The following SYT16 variants were observed in gnomAD, a reference collection of about 807,000 sequenced individuals.
The protein encoded by SYT16 is synaptotagmin 16.
In SYT16, 42 loss-of-function variants were observed where a neutral mutation model predicts 61.4. That is an observed-to-expected ratio of 0.68 (90% confidence interval 0.53 to 0.89). The LOEUF is 0.89. Among genes scored for constraint, SYT16 ranks in the 40% least tolerant of loss-of-function variants. The pLI is 0.00. For missense variants in SYT16, 804 were observed against 807.3 expected (o/e 1.00, Z 0.05); for synonymous variants, 314 against 302.3 (o/e 1.04, Z -0.40).
At chr14:62,030,032 T>G (rs1018650243) in intron 3 of SYT16, among the ~76,000 whole-genome samples, 9 of 152,188 alleles carry the variant, frequency 5.9e-5, no homozygotes, top group African/African-American at 1.7e-4. Context: ...TAACAGCAGC[T>G]GGTAGCTGAC....
intron 2 of SYT16, among the ~76,000 whole-genome samples, chr14:61,972,975 G>A (rs778457791): frequency 1.9e-4 from 29 of 152,158 alleles, no homozygotes; most frequent in Non-Finnish European, 1.9e-4. Flanking sequence ...ATGAATGGAA[G>A]AGAACTAATA....
chr14:61,890,284 C>T (rs2048072755), intron 1 of SYT16, among the ~76,000 whole-genome samples: 1 of 152,062 alleles, frequency 6.6e-6, no homozygotes, highest in African/African-American at 2.4e-5. Flanking sequence ...AGGGGAGTTC[C>T]CAGAGCTTTG....
chr14:61,834,407 G>A (rs2046055923), intron 1 of SYT16, among the ~76,000 whole-genome samples: 4 of 149,800 alleles, frequency 2.7e-5, no homozygotes, highest in Non-Finnish European at 4.4e-5. Context: ...TGGGATTACA[G>A]GCATGAGCCA....
intron 2 of SYT16, among the ~76,000 whole-genome samples, chr14:61,985,238 T>C (rs2052253405): frequency 6.6e-6 from 1 of 152,182 alleles, no homozygotes; most frequent in African/African-American, 2.4e-5. Context: ...CTGTTTAGTT[T>C]GAAGCTTGTG....
intron 3 of SYT16, among the ~76,000 whole-genome samples, chr14:62,014,580 C>T (rs1398296833): frequency 2.6e-5 from 4 of 151,938 alleles, no homozygotes; most frequent in Admixed American, 2.6e-4. Flanking sequence ...ATTACAGGTG[C>T]CCACCACCAT....
chr14:61,894,192 G>A lies in SYT16; in HGVS notation c.-324-75940G>A, dbSNP rs138818939. Among the ~76,000 whole-genome samples, 910 of 152,138 alleles carry A rather than the reference G, an allele frequency of 6.0e-3. 11 individuals carry two copies. Among genetic ancestry groups the A allele is most frequent in the African/African-American group, 0.021 (852 of 41,504 alleles). ...CCCAGCTACTCAGGAGGCCATGGAA[G>A]GAGAATCGCTTGAGCCCGGGAGGCT... is the stretch of plus-strand genomic sequence containing the variant. On this transcript the variant is annotated intron_variant, in intron 1 of 7. Transcript: ENST00000683842.
chr14:62,039,871 ACACACACG>A (rs748272055), intron 3 of SYT16, among the ~76,000 whole-genome samples: 18,840 of 143,806 alleles, frequency 0.13, 1,314 homozygotes, highest in Middle Eastern at 0.23. Flanking sequence ...ACACACACAC[ACACACACG>A]CACATACACA....
chr14:62,053,350 A>G (rs1001609276), intron 3 of SYT16, among the ~76,000 whole-genome samples: 1 of 152,166 alleles, frequency 6.6e-6, no homozygotes, highest in African/African-American at 2.4e-5. Context: ...ATTCTTAAGT[A>G]TCTGGACTCT....
chr14:62,051,265 C>T (rs192601038), intron 3 of SYT16, among the ~76,000 whole-genome samples: 31 of 152,348 alleles, frequency 2.0e-4, no homozygotes, highest in East Asian at 1.4e-3. Context: ...TAGGACCCTC[C>T]GAGCCATGTG....
chr14:61,894,200 G>C (rs1388741174), intron 1 of SYT16, among the ~76,000 whole-genome samples: 1 of 151,870 alleles, frequency 6.6e-6, no homozygotes, highest in Non-Finnish European at 1.5e-5. Flanking sequence ...AAGGAGAATC[G>C]CTTGAGCCCG....
At chr14:61,997,079 C>T (rs1166299262) in intron 3 of SYT16, among the ~76,000 whole-genome samples, 1 of 152,054 alleles carries the variant, frequency 6.6e-6, no homozygotes, top group Non-Finnish European at 1.5e-5. Flanking sequence ...GGTAAGGACA[C>T]ATTTAATAAA....
chr14:62,087,936 C>T (rs904025863), intron 7 of SYT16, among the ~76,000 whole-genome samples: 5 of 152,130 alleles, frequency 3.3e-5, no homozygotes, highest in South Asian at 2.1e-4. Context: ...CCAGAGCCTC[C>T]ACTGCACAGC....
chr14:61,982,520 G>A (rs1223879955), intron 2 of SYT16, among the ~76,000 whole-genome samples: 2 of 152,108 alleles, frequency 1.3e-5, no homozygotes, highest in Admixed American at 1.3e-4. Flanking sequence ...ACAGTATGGG[G>A]GAAACTGCCC....
intron 3 of SYT16, among the ~76,000 whole-genome samples, chr14:62,011,962 G>C (rs893481457): frequency 6.7e-5 from 9 of 135,182 alleles, no homozygotes; most frequent in Non-Finnish European, 1.2e-4. Flanking sequence ...TGCATCATCT[G>C]TCACTGCTGA....
intron 1 of SYT16, among the ~76,000 whole-genome samples, chr14:61,818,446 G>A (rs1443783465): frequency 2.0e-5 from 3 of 152,110 alleles, no homozygotes; most frequent in African/African-American, 4.8e-5. Flanking sequence ...TTGGGAGGCC[G>A]AGGCGGGTGG....
At chr14:62,043,494 G>A (rs1032230330) in intron 3 of SYT16, among the ~76,000 whole-genome samples, 6 of 143,954 alleles carry the variant, frequency 4.2e-5, no homozygotes, top group Non-Finnish European at 6.0e-5. Flanking sequence ...TGCAAACTCC[G>A]CCTCCCTGGT....
In SYT16 at chr14:62,109,278, T is replaced by C. The variant is rs1194618462; in HGVS notation, c.*8571T>C. 1 of 149,414 alleles carries C rather than the reference T, an allele frequency of 6.7e-6. No individual in the cohort carries two copies. Among genetic ancestry groups the C allele is most frequent in the East Asian group, 2.0e-4 (1 of 5,088 alleles). The allele number at this position is 149,414 out of a possible 1,614,324, so 9.3% of individuals were successfully genotyped here. On this transcript the variant is annotated 3_prime_UTR_variant, in exon 8 of 8. Transcript: ENST00000683842. ...AGAATGTCATACAGTATGTAGCCTT[T>C]TCAGATTGGCTTTTTTTTTTTTCAC...
intron 3 of SYT16, among the ~76,000 whole-genome samples, chr14:62,020,398 C>T (rs955923106): frequency 5.9e-5 from 9 of 151,864 alleles, no homozygotes; most frequent in South Asian, 4.2e-4. Flanking sequence ...GTGATCCTAC[C>T]GCATACACCT....
Position 61,995,934 on chromosome 14 carries a change from C to G in SYT16, c.-86C>G. 1.5e-6 allele frequency: 2 copies of G among 1,360,342 alleles called. No homozygotes were observed. 84.3% of individuals were successfully genotyped at this position (1,360,342 alleles called of 1,614,324 possible). A position where few individuals can be genotyped will look rare whatever the true frequency, so the allele number is the denominator to read the frequency against. On this transcript the variant is annotated 5_prime_UTR_variant, in exon 3 of 8. Transcript: ENST00000683842. Reference sequence around the variant, plus strand: ...TTAAGAGACCTCCAAATTAATTTCTCAACATGCTTATTCTATAGTTCACAT... The same window carrying G: ...TTAAGAGACCTCCAAATTAATTTCTGAACATGCTTATTCTATAGTTCACAT...
Sources: allele counts gnomAD v4.1 joint callset (sites outside exome capture counted in the v4.1 genomes callset), GRCh38; gene constraint gnomAD v4.1.1; transcripts MANE v1.5; gene names NCBI Gene and HGNC (gene_info 2026-07-23, HGNC 2026-07-21).